The following ADGRB1 variants were observed in gnomAD, a reference collection of about 807,000 sequenced individuals.
ADGRB1 encodes brain-specific angiogenesis inhibitor 1.
A neutral mutation model predicts 175.7 loss-of-function variants in ADGRB1; 36 were observed. That is an observed-to-expected ratio of 0.20 (90% confidence interval 0.16 to 0.27). The LOEUF (loss-of-function observed/expected upper bound fraction) is 0.27. ADGRB1 is among the 10% of genes least tolerant of loss of function. The pLI is 1.00. For missense variants in ADGRB1, 1,731 were observed against 2,255.3 expected, an observed-to-expected ratio of 0.77 and a Z score of 4.71; for synonymous variants, 1,054 against 979.4, an observed-to-expected ratio of 1.08 and a Z score of -1.42.
chr8:142,525,645 T>G (rs1844130498), intron 23 of ADGRB1, among the ~76,000 whole-genome samples: 1 of 152,166 alleles, frequency 6.6e-6, no homozygotes, highest in Admixed American at 6.5e-5. Context: ...GCAGGCCGGC[T>G]GTGTGGTCAT....
intron 9 of ADGRB1, among the ~76,000 whole-genome samples, chr8:142,480,738 C>G (rs1349500794): frequency 1.3e-5 from 2 of 152,190 alleles, no homozygotes; most frequent in Non-Finnish European, 2.9e-5. Context: ...ACTCAGCTGT[C>G]CCTGTTTCTC....
At chr8:142,518,053 C>A in intron 18 of ADGRB1, 85 bp from the exon 19 acceptor site, 1 of 1,327,258 alleles carries the variant, frequency 7.5e-7, no homozygotes, top group Non-Finnish European at 1.1e-6. Flanking sequence ...CCCGGGGCTG[C>A]GGGCTCTCGG....
intron 1 of ADGRB1, among the ~76,000 whole-genome samples, chr8:142,456,747 A>G (rs1587239424): frequency 1.3e-5 from 2 of 152,006 alleles, no homozygotes; most frequent in South Asian, 4.2e-4. Flanking sequence ...TAACCATAAC[A>G]CCGCGGCCTG....
Position 142,475,160 on chromosome 8 carries a change from C to T in ADGRB1, c.785-314C>T, listed in dbSNP as rs564514880. Among the ~76,000 whole-genome samples, 349 of 152,322 alleles carry T rather than the reference C, an allele frequency of 2.3e-3. 1 individual carries two copies. The highest frequency in any genetic ancestry group is 8.0e-3 in the African/African-American group (331 of 41,574). On this transcript the variant is annotated intron_variant, in intron 2 of 30. Transcript: ENST00000517894. Reference sequence around the variant, plus strand: ...GGCCCCTCTACCCTCTGCTTACCATCAGGACGCTGTGCTCTGAGGCAGCCC... The same window carrying T: ...GGCCCCTCTACCCTCTGCTTACCATTAGGACGCTGTGCTCTGAGGCAGCCC...
Position 142,462,417 on chromosome 8 carries a change from G to T in ADGRB1, c.-219-1563G>T, listed in dbSNP as rs572469372. The stretch of plus-strand genomic sequence containing the variant: ...TTACAGATGGAGAAACCGAGGCTTT[G>T]TGGTGAGAGATGTGTCCGAGGCCAC... On this transcript the variant is annotated intron_variant, in intron 1 of 30. Coordinates refer to ENST00000517894, the MANE Select transcript of ADGRB1 (RefSeq NM_001702.3). 2.6e-5 allele frequency among the ~76,000 whole-genome samples: 4 copies of T among 152,354 alleles called. No homozygotes were observed. The East Asian group carries it at 5.8e-4, about 22-fold the overall frequency.
intron 1 of ADGRB1, among the ~76,000 whole-genome samples, chr8:142,463,611 G>A (rs532128468): frequency 8.5e-5 from 13 of 152,388 alleles, no homozygotes; most frequent in African/African-American, 2.2e-4. Context: ...CACGCAGAGC[G>A]TGGTGAGCGA....
intron 17 of ADGRB1, among the ~76,000 whole-genome samples, chr8:142,502,713 G>T (rs1196243846): frequency 6.6e-6 from 1 of 151,786 alleles, no homozygotes; most frequent in Non-Finnish European, 1.5e-5. Flanking sequence ...TGGTGCTGAT[G>T]ATGGGGTTGG....
At chr8:142,488,531 G>A in intron 14 of ADGRB1, 24 bp downstream of exon 14, 1 of 1,607,436 alleles carries the variant, frequency 6.2e-7, no homozygotes, top group Non-Finnish European at 8.5e-7. Context: ...GGAGTGGAGG[G>A]GGACCTTCAT....
intron 17 of ADGRB1, among the ~76,000 whole-genome samples, chr8:142,496,938 C>T (rs79285471): frequency 6.6e-6 from 1 of 152,210 alleles, no homozygotes; most frequent in Non-Finnish European, 1.5e-5. Flanking sequence ...TTTGCTGGCT[C>T]TCAGAACCCT....
chr8:142,536,898 GC>G (rs1039902150), intron 25 of ADGRB1, 88 bp from the exon 26 acceptor site: 12 of 1,141,082 alleles, frequency 1.1e-5, no homozygotes, highest in Middle Eastern at 2.5e-4. Context: ...CGAGACGCCC[GC>G]CCCCCCACAG....
chr8:142,466,053 C>T (rs181682034), intron 2 of ADGRB1, among the ~76,000 whole-genome samples: 137 of 152,284 alleles, frequency 9.0e-4, no homozygotes, highest in African/African-American at 3.1e-3. Context: ...CCCTTGCTGA[C>T]GGGTGACGTG....
chr8:142,467,530 G>A (rs965032800), intron 2 of ADGRB1, among the ~76,000 whole-genome samples: 5 of 152,196 alleles, frequency 3.3e-5, no homozygotes, highest in Admixed American at 3.3e-4. Flanking sequence ...GGGTTGCAGA[G>A]GAGAAGAAGA....
At chr8:142,506,582 G>A (rs544857440) in intron 17 of ADGRB1, among the ~76,000 whole-genome samples, 21 of 152,348 alleles carry the variant, frequency 1.4e-4, no homozygotes, top group African/African-American at 3.8e-4. Context: ...GGGAGCAGTC[G>A]CTGTGTGCGA....
At chr8:142,479,955 G>A (rs1017776475) in intron 9 of ADGRB1, among the ~76,000 whole-genome samples, 161 bp downstream of exon 9, 5 of 152,230 alleles carry the variant, frequency 3.3e-5, no homozygotes, top group South Asian at 2.1e-4. Context: ...CCAGGGCACC[G>A]TGTGAGAACT....
Position 142,542,275 on chromosome 8 carries a change from C to T in ADGRB1, c.4041C>T (p.Ile1347=). 1 of 1,613,468 alleles carries T rather than the reference C, an allele frequency of 6.2e-7. No individual in the cohort carries two copies. Among genetic ancestry groups the T allele is most frequent in the South Asian group, 1.1e-5 (1 of 91,086 alleles). ...AGGCTCTGGACACGAGCTACGTGAT[C>T]CTGCCCACGGCCACGGCCACGCTGC... ...QEKALDTSYV[I]LPTATATLRP... is the part of the protein sequence containing the mutation. The change falls in exon 28 of 31, where the codon ATC becomes ATT. Residue 1347 remains isoleucine (I), a synonymous_variant. Transcript: ENST00000517894. This position sits in a 1 kb window ranked among gnomAD's most constrained non-coding sequence, Gnocchi z 6.3.
intron 11 of ADGRB1, among the ~76,000 whole-genome samples, chr8:142,481,990 C>G (rs1235600312): frequency 6.7e-6 from 1 of 149,854 alleles, no homozygotes; most frequent in Non-Finnish European, 1.5e-5. Context: ...ACACTGAGCT[C>G]TGGTCACACA....
At chr8:142,481,795 AC>A in intron 11 of ADGRB1, 84 bp downstream of exon 11, 2 of 1,245,494 alleles carry the variant, frequency 1.6e-6, no homozygotes, top group Non-Finnish European at 2.2e-6. Context: ...TGGATCCCCA[AC>A]CCTGGCCACA....
chr8:142,524,753 T>C (rs572610177), intron 23 of ADGRB1, among the ~76,000 whole-genome samples: 17 of 152,230 alleles, frequency 1.1e-4, no homozygotes, highest in African/African-American at 3.9e-4. Context: ...GGTGAGGACC[T>C]TCCCTGTGTG....
chr8:142,536,836 A>C (rs943312789), intron 25 of ADGRB1, 151 bp from the exon 26 acceptor site: 8 of 548,960 alleles, frequency 1.5e-5, no homozygotes, highest in Non-Finnish European at 2.2e-5. Context: ...GACTCAGCAG[A>C]CCAGAGGTGG....
Sources: allele counts gnomAD v4.1 joint callset (sites outside exome capture counted in the v4.1 genomes callset), GRCh38; gene constraint gnomAD v4.1.1; non-coding constraint Gnocchi (gnomAD v3.1); transcripts MANE v1.5; gene names NCBI Gene and HGNC (gene_info 2026-07-23, HGNC 2026-07-21).